The following TVP23C variants were observed in gnomAD, a reference collection of about 807,000 sequenced individuals.
The protein encoded by TVP23C is Golgi apparatus membrane protein TVP23 homolog C.
A neutral mutation model predicts 28.7 loss-of-function variants in TVP23C; 19 were observed. That is an observed-to-expected ratio of 0.66 (90% CI 0.46 to 0.97). TVP23C has a LOEUF of 0.97. Among genes scored for constraint, TVP23C ranks in the 50% least tolerant of loss-of-function variants. TVP23C has a pLI of 0.00. For synonymous variants in TVP23C, 68 were observed against 81.7 expected (o/e 0.83, Z 0.90); for missense variants, 186 against 241.3 (o/e 0.77, Z 1.52).
At chr17:15,506,028 C>G (rs1429677008) in intron 5 of TVP23C, among the ~76,000 whole-genome samples, 1 of 152,260 alleles carries the variant, frequency 6.6e-6, no homozygotes, top group Non-Finnish European at 1.5e-5. Context: ...ACCCCCTGCT[C>G]CACAGCGCCC....
intron 3 of TVP23C, among the ~76,000 whole-genome samples, chr17:15,552,771 A>G (rs1224860308): frequency 1.3e-5 from 2 of 152,206 alleles, no homozygotes; most frequent in East Asian, 1.9e-4. Context: ...TTGAATCAGT[A>G]TATGTCTCTG....
Position 15,537,687 on chromosome 17 carries a change from G to T in TVP23C, c.*2725C>A. ...AGCCAAAGTGCTCACTCTTACCATA[G>T]AAGCAAAACTTTCTCCTGAAAACAA... On this transcript the variant is annotated 3_prime_UTR_variant, in exon 6 of 6. Transcript: ENST00000518321. The T allele has an allele frequency of 1.0e-6, 1 of 986,098 alleles. No homozygotes were observed. The highest frequency in any genetic ancestry group is 1.2e-6 in the Non-Finnish European group (1 of 829,946). 61.1% of individuals were successfully genotyped at this position (986,098 alleles called of 1,614,324 possible). A position where few individuals can be genotyped will look rare whatever the true frequency, so the allele number is the denominator to read the frequency against.
At chr17:15,549,921 TAA>T (rs889697092) in intron 3 of TVP23C, among the ~76,000 whole-genome samples, 4 of 140,726 alleles carry the variant, frequency 2.8e-5, no homozygotes, top group Non-Finnish European at 3.1e-5. Flanking sequence ...AGATGCTAAG[TAA>T]AAAAAAAAAA....
At chr17:15,502,899 C>T in exon 6 of TVP23C, 1 of 1,593,640 alleles carries the variant, frequency 6.3e-7, no homozygotes, top group South Asian at 1.1e-5. Context: ...AATTTTGGCC[C>T]GGGCTCACCA....
intron 5 of TVP23C, among the ~76,000 whole-genome samples, chr17:15,526,281 A>C (rs971536309): frequency 2.0e-4 from 31 of 152,218 alleles, no homozygotes; most frequent in Non-Finnish European, 3.7e-4. Context: ...ATTGGCTTCA[A>C]ATCTGACATA....
intron 5 of TVP23C, among the ~76,000 whole-genome samples, chr17:15,525,107 C>A (rs1474995391): frequency 2.0e-5 from 3 of 152,244 alleles, no homozygotes; most frequent in Non-Finnish European, 4.4e-5. Flanking sequence ...GAGTTGAACA[C>A]ACTGGAAATC....
At position 15,540,441 on chromosome 17, in the gene TVP23C, A is replaced by C; in HGVS notation, c.583T>G (p.Leu195Val). The C allele has an allele frequency of 6.2e-7, 1 of 1,602,190 alleles. No homozygotes were observed. The highest frequency in any genetic ancestry group is 1.7e-4 in the Middle Eastern group (1 of 6,028). ...ATCCAGAAAACACTTACTTGTCTTAAAAACTGCTTTCCAAAATATGAAGTA... is the reference window on the plus strand; with the variant it reads ...ATCCAGAAAACACTTACTTGTCTTACAAACTGCTTTCCAAAATATGAAGTA... Reference protein sequence around the residue: ...MATSYFGKQFLRQVSVFWM With the variant: ...MATSYFGKQFVRQVSVFWM Residue 195 changes from leucine (L) to valine (V), a missense_variant, in exon 6 of 6, where the codon TTA becomes GTA. Transcript: ENST00000518321.
chr17:15,522,684 T>C (rs939520203), intron 5 of TVP23C, among the ~76,000 whole-genome samples: 1 of 152,180 alleles, frequency 6.6e-6, no homozygotes, highest in Non-Finnish European at 1.5e-5. Context: ...TTTCAATGAA[T>C]ATTGAAAAGA....
intron 5 of TVP23C, among the ~76,000 whole-genome samples, chr17:15,529,824 G>A (rs1435739870): frequency 6.6e-6 from 1 of 151,770 alleles, no homozygotes; most frequent in Non-Finnish European, 1.5e-5. Flanking sequence ...TTTTTTGGAT[G>A]GAGTCTCGCT....
intron 5 of TVP23C, among the ~76,000 whole-genome samples, chr17:15,543,559 T>C (rs2532465): frequency 0.029 from 4,356 of 149,998 alleles, 95 homozygotes; most frequent in Non-Finnish European, 0.034. Context: ...GAGATGAAAA[T>C]GGAGCTGACA....
chr17:15,513,521 G>A (rs899965893), intron 5 of TVP23C, among the ~76,000 whole-genome samples: 1 of 152,160 alleles, frequency 6.6e-6, no homozygotes, highest in African/African-American at 2.4e-5. Context: ...TCCTAGCGTC[G>A]ATAGCAAGGG....
chr17:15,502,675 C>A, exon 6 of TVP23C: 1 of 1,024,556 alleles, frequency 9.8e-7, no homozygotes, highest in East Asian at 2.9e-5. Flanking sequence ...GCCCTTTTCC[C>A]CTTAGTTTTA....
At chr17:15,505,040 A>G (rs1597499179) in intron 5 of TVP23C, among the ~76,000 whole-genome samples, 1 of 152,276 alleles carries the variant, frequency 6.6e-6, no homozygotes, top group Admixed American at 6.5e-5. Context: ...ACCCACAGTT[A>G]TATACTGATT....
At chr17:15,505,121 T>A (rs1471648209) in intron 5 of TVP23C, among the ~76,000 whole-genome samples, 1 of 152,172 alleles carries the variant, frequency 6.6e-6, no homozygotes, top group Non-Finnish European at 1.5e-5. Flanking sequence ...GGGGCTATAG[T>A]CCTAGACATT....
intron 5 of TVP23C, among the ~76,000 whole-genome samples, chr17:15,521,755 G>A (rs1379955435): frequency 6.6e-6 from 1 of 152,218 alleles, no homozygotes; most frequent in Non-Finnish European, 1.5e-5. Flanking sequence ...CAATTTTGCT[G>A]TGCAGCAAAC....
At chr17:15,516,029 C>T (rs540317805) in intron 5 of TVP23C, among the ~76,000 whole-genome samples, 2 of 152,306 alleles carry the variant, frequency 1.3e-5, no homozygotes, top group South Asian at 4.1e-4. Flanking sequence ...AAGACGCGTG[C>T]TCCCCCTTTG....
intron 5 of TVP23C, among the ~76,000 whole-genome samples, chr17:15,521,361 A>G (rs1450221367): frequency 1.3e-5 from 2 of 152,104 alleles, no homozygotes; most frequent in African/African-American, 4.8e-5. Context: ...AAAATTGGCC[A>G]GGCGTGGTGG....
chr17:15,519,481 T>C (rs111988844), intron 5 of TVP23C, among the ~76,000 whole-genome samples: 226 of 142,974 alleles, frequency 1.6e-3, no homozygotes, highest in South Asian at 5.8e-3. Flanking sequence ...CAAATAAATA[T>C]ACACACACAC....
intron 5 of TVP23C, among the ~76,000 whole-genome samples, chr17:15,518,356 C>T (rs1163518999): frequency 6.6e-6 from 1 of 152,140 alleles, no homozygotes; most frequent in Non-Finnish European, 1.5e-5. Flanking sequence ...AACGGCACAT[C>T]CAAGCTAAAA....
Sources: allele counts gnomAD v4.1 joint callset (sites outside exome capture counted in the v4.1 genomes callset), GRCh38; gene constraint gnomAD v4.1.1; transcripts MANE v1.5; gene names NCBI Gene and HGNC (gene_info 2026-07-23, HGNC 2026-07-21).